The following MRPL18 variants were observed in gnomAD, a reference collection of about 807,000 sequenced individuals.
MRPL18 encodes the protein mitochondrial ribosomal protein L18, also known as large ribosomal subunit protein uL18m.
Under a neutral mutation model 20.9 loss-of-function variants are expected in MRPL18, and 16 were observed. That is an observed-to-expected ratio of 0.76 (90% confidence interval 0.52 to 1.16). The LOEUF is 1.16. Ranked by LOEUF, MRPL18 falls within the 50% of genes most tolerant of loss-of-function variation. MRPL18 has a pLI of 0.00. For synonymous variants in MRPL18, 91 were observed against 87.1 expected (o/e 1.04, Z -0.25); for missense variants, 233 against 230.6 (o/e 1.01, Z -0.07).
intron 2 of MRPL18, among the ~76,000 whole-genome samples, chr6:159,795,111 C>A (rs1417823144): frequency 1.3e-5 from 2 of 152,278 alleles, no homozygotes; most frequent in African/African-American, 4.8e-5. Context: ...GTCCCACCTC[C>A]AGCCCTAAGG....
intron 2 of MRPL18, among the ~76,000 whole-genome samples, chr6:159,792,325 G>A (rs954127393): frequency 6.6e-6 from 1 of 152,150 alleles, no homozygotes; most frequent in Non-Finnish European, 1.5e-5. Flanking sequence ...ACTATGTAAA[G>A]TTGTAAGAGT....
chr6:159,792,563 G>A (rs751321371), intron 2 of MRPL18, among the ~76,000 whole-genome samples: 9 of 152,200 alleles, frequency 5.9e-5, no homozygotes, highest in East Asian at 1.9e-4. Context: ...CCAAGAAAGG[G>A]AGTAGGCAGT....
At position 159,790,525 on chromosome 6, in the gene MRPL18, T is replaced by G. The variant is rs944430126; in HGVS notation, c.-63T>G. 6.2e-7 allele frequency: 1 copy of G among 1,610,760 alleles called. No homozygotes were observed. The highest frequency in any genetic ancestry group is 1.3e-5 in the African/African-American group (1 of 74,856). On this transcript the variant is annotated 5_prime_UTR_variant, in exon 1 of 4. Transcript: ENST00000367034. ...GTCCCTGACTTTATATGGCTGCTCC[T>G]GGCGAGCGACTGAGTCGTCCGTGAG...
chr6:159,797,964 T>G, intron 3 of MRPL18, 88 bp from the exon 4 acceptor site: 2 of 1,102,252 alleles, frequency 1.8e-6, no homozygotes, highest in Non-Finnish European at 2.7e-6. Context: ...AATCAATTTA[T>G]TTCTGTCTTT....
intron 2 of MRPL18, among the ~76,000 whole-genome samples, chr6:159,792,671 CTG>C (rs1460856601): frequency 6.6e-6 from 1 of 152,228 alleles, no homozygotes; most frequent in African/African-American, 2.4e-5. Context: ...GGGTCTGGGT[CTG>C]TTGCCCAGGC....
intron 3 of MRPL18, among the ~76,000 whole-genome samples, chr6:159,797,793 G>A (rs1480163725): frequency 6.6e-6 from 1 of 152,182 alleles, no homozygotes; most frequent in Non-Finnish European, 1.5e-5. Flanking sequence ...TGTAGTCCAT[G>A]ATGTCAGCCA....
intron 2 of MRPL18, among the ~76,000 whole-genome samples, chr6:159,796,407 G>T (rs1781030286): frequency 6.6e-6 from 1 of 151,422 alleles, no homozygotes; most frequent in South Asian, 2.1e-4. Flanking sequence ...TTGATCCCAG[G>T]AGGCAGAGGC....
At position 159,790,495 on chromosome 6, in the gene MRPL18, G is replaced by A. The variant is rs1423174969; in HGVS notation, c.-93G>A. 3.2e-6 allele frequency: 5 copies of A among 1,568,308 alleles called. No homozygotes were observed. The highest frequency in any genetic ancestry group is 2.2e-5 in the East Asian group (1 of 44,672). Reference sequence around the variant, plus strand: ...AGTTTGGGGATCTACAGCAGCCAAAGGCTTGTCCCTGACTTTATATGGCTG... The same window carrying A: ...AGTTTGGGGATCTACAGCAGCCAAAAGCTTGTCCCTGACTTTATATGGCTG... On this transcript the variant is annotated 5_prime_UTR_variant, in exon 1 of 4. Coordinates refer to ENST00000367034, the MANE Select transcript of MRPL18 (RefSeq NM_014161.5).
rs1295625030 is a variant in MRPL18 at position 159,791,045 on chromosome 6, C to T, written c.158C>T (p.Pro53Leu). The change falls in exon 2 of 4, where the codon CCC (proline) becomes CTC (leucine). Residue 53 changes from proline to leucine, a missense_variant. By Grantham distance (98) the Pro-to-Leu change is moderately conservative. Transcript: ENST00000367034. ...GCCCCAGAATTCACCAACCGGAACC[C>T]CCGGAACCTGGAGCTTTTATCTGTA... ...AVAPEFTNRNPRNLELLSVAR... is the reference protein window; with the variant it reads ...AVAPEFTNRNLRNLELLSVAR... 1.2e-6 allele frequency: 2 copies of T among 1,614,076 alleles called. No homozygotes were observed. Among genetic ancestry groups the T allele is most frequent in the Non-Finnish European group, 1.7e-6 (2 of 1,180,044 alleles).
intron 2 of MRPL18, among the ~76,000 whole-genome samples, chr6:159,794,230 A>C (rs960123715): frequency 6.6e-6 from 1 of 152,196 alleles, no homozygotes; most frequent in Non-Finnish European, 1.5e-5. Flanking sequence ...ACCACCCTCA[A>C]CCACCCCAAG....
Position 159,791,125 on chromosome 6 carries a change from A to T in MRPL18, c.238A>T (p.Arg80Trp), listed in dbSNP as rs148771922. ...GTTTCCCTCCCGTGAGTTCTGGCAC[A>T]GGTAATTAAATCTGCTTGTGATTGA... Reference protein sequence around the residue: ...TVFPSREFWHRLRVIRTQHHV... With the variant: ...TVFPSREFWHWLRVIRTQHHV... The change falls in exon 2 of 4, where the codon AGG (arginine) becomes TGG (tryptophan). Residue 80 changes from arginine (R) to tryptophan (W), a missense_variant and splice_region_variant. By Grantham distance (101) the Arg-to-Trp change is moderately radical. Transcript: ENST00000367034. 2 of 1,614,024 alleles carry T rather than the reference A, an allele frequency of 1.2e-6. No homozygotes were observed. The highest frequency in any genetic ancestry group is 1.7e-6 in the Non-Finnish European group (2 of 1,180,010).
intron 1 of MRPL18, 54 bp from the exon 2 acceptor site, chr6:159,790,886 G>A: frequency 6.9e-6 from 11 of 1,598,410 alleles, no homozygotes; most frequent in Admixed American, 3.4e-5. Flanking sequence ...GCGGGTTCGT[G>A]CGCTGTCCAT....
At position 159,792,402 on chromosome 6, in the gene MRPL18, T is replaced by C. The variant is rs551782907; in HGVS notation, c.239+1276T>C. On this transcript the variant is annotated intron_variant, in intron 2 of 3. Transcript: ENST00000367034. Reference sequence around the variant, plus strand: ...GAACAAGCATCATACCTGTATCACTTGCTAGGCATTGCGTTAGAGGCAGGA... The same window carrying C: ...GAACAAGCATCATACCTGTATCACTCGCTAGGCATTGCGTTAGAGGCAGGA... Among the ~76,000 whole-genome samples, 9 of 152,324 alleles carry C rather than the reference T, an allele frequency of 5.9e-5. 1 individual carries two copies. The highest frequency in any genetic ancestry group is 5.2e-4 in the Admixed American group (8 of 15,308).
chr6:159,789,856 C>G (rs937966901), upstream of MRPL18: 1 of 290,548 alleles, frequency 3.4e-6, no homozygotes, highest in Non-Finnish European at 6.8e-6. Context: ...GTTGCGCAGA[C>G]GCAGTGGGCC....
At chr6:159,797,218 T>TC in intron 2 of MRPL18, 69 bp from the exon 3 acceptor site, 1 of 1,358,380 alleles carries the variant, frequency 7.4e-7, no homozygotes, top group South Asian at 1.2e-5. Context: ...AGTCATTTAT[T>TC]CACCTCAATT....
Position 159,797,349 on chromosome 6 carries a change from T to C in MRPL18, c.302T>C (p.Val101Ala). 1 of 1,614,138 alleles carries C rather than the reference T, an allele frequency of 6.2e-7. No individual in the cohort carries two copies. The highest frequency in any genetic ancestry group is 8.5e-7 in the Non-Finnish European group (1 of 1,180,028). ...EALVEHQNGK[V>A]VVSASTREWA... ...CTTGTGGAGCATCAGAATGGCAAGG[T>C]TGTGGTTTCGGCCTCCACTCGTGAG... is the stretch of plus-strand genomic sequence containing the variant. Residue 101 changes from valine (V) to alanine (A), a missense_variant, in exon 3 of 4, where the codon GTT becomes GCT. Physicochemically the swap from Val to Ala is moderately conservative, Grantham distance 64 (BLOSUM62 0). Coordinates refer to ENST00000367034, the MANE Select transcript of MRPL18 (RefSeq NM_014161.5).
At chr6:159,795,371 T>C (rs1193759941) in intron 2 of MRPL18, among the ~76,000 whole-genome samples, 1 of 152,250 alleles carries the variant, frequency 6.6e-6, no homozygotes, top group Non-Finnish European at 1.5e-5. Flanking sequence ...GGACAATACC[T>C]GGCTTTCCTA....
In MRPL18 at chr6:159,791,010, T is replaced by C. The variant is rs1025509639; in HGVS notation, c.123T>C (p.Asn41=). The change falls in exon 2 of 4, where the codon AAT becomes AAC. Residue 41 remains asparagine (N), a synonymous_variant. Transcript: ENST00000367034. Reference sequence around the variant, plus strand: ...AACCTGAAGTGGACCCTGTGGAAAATGAAGCTGTCGCCCCAGAATTCACCA... The same window carrying C: ...AACCTGAAGTGGACCCTGTGGAAAACGAAGCTGTCGCCCCAGAATTCACCA... ...AAKPEVDPVE[N]EAVAPEFTNR... 10 of 1,613,980 alleles carry C rather than the reference T, an allele frequency of 6.2e-6. No individual in the cohort carries two copies. The highest frequency in any genetic ancestry group is 4.0e-5 in the African/African-American group (3 of 74,872).
chr6:159,797,084 T>A (rs1365680009), intron 2 of MRPL18, among the ~76,000 whole-genome samples: 2 of 152,238 alleles, frequency 1.3e-5, no homozygotes, highest in Admixed American at 1.3e-4. Flanking sequence ...ATACTTGAAC[T>A]ATTTAGTTTG....
Sources: gnomAD v4.1 joint callset for allele counts (sites outside exome capture counted in the v4.1 genomes callset) on GRCh38, gnomAD v4.1.1 for gene constraint, MANE v1.5 for transcripts, NCBI Gene and HGNC (gene_info 2026-07-23, HGNC 2026-07-21) for gene names.